The following SLC26A9 variants were observed in gnomAD, a reference collection of about 807,000 sequenced individuals.
SLC26A9 encodes the protein solute carrier family 26 member 9.
A neutral mutation model predicts 87.1 loss-of-function variants in SLC26A9; 46 were observed. That is an observed-to-expected ratio of 0.53 (90% confidence interval 0.42 to 0.67). The LOEUF (loss-of-function observed/expected upper bound fraction) is 0.67. Ranked by LOEUF, SLC26A9 falls within the 30% of genes least tolerant of loss-of-function variation. The pLI, the probability that SLC26A9 is intolerant of heterozygous loss-of-function variation, is 0.00. For missense variants in SLC26A9, 927 were observed against 1,018.3 expected (o/e 0.91, Z 1.22); for synonymous variants, 437 against 409.1 (o/e 1.07, Z -0.82).
At chr1:205,938,905 A>T (rs1659626541) in intron 1 of SLC26A9, among the ~76,000 whole-genome samples, 1 of 152,200 alleles carries the variant, frequency 6.6e-6, no homozygotes, top group Non-Finnish European at 1.5e-5. Flanking sequence ...TCAGAGAGCA[A>T]CAGGTAGGTG....
intron 1 of SLC26A9, among the ~76,000 whole-genome samples, chr1:205,941,022 G>C (rs970485798): frequency 6.6e-6 from 1 of 152,176 alleles, no homozygotes; most frequent in Non-Finnish European, 1.5e-5. Flanking sequence ...CACAGGGTAA[G>C]AGCAGCCTCT....
Position 205,920,314 on chromosome 1 carries a change from G to A in SLC26A9, c.2056-84C>T. ...AAAGTGATTCACAAAACGTACTTCAGAGGGGAAGCCAAACAAATAAGCAAC... is the reference window on the plus strand; with the variant it reads ...AAAGTGATTCACAAAACGTACTTCAAAGGGGAAGCCAAACAAATAAGCAAC... On this transcript the variant is annotated intron_variant, in intron 17 of 20. Transcript: ENST00000367135. 3.2e-6 allele frequency: 5 copies of A among 1,557,044 alleles called. No individual in the cohort carries two copies. In the South Asian group the frequency reaches 5.6e-5, roughly 17 times the overall value.
Position 205,928,842 on chromosome 1 carries a change from C to T in SLC26A9, c.938G>A (p.Gly313Glu). The change falls in exon 8 of 21, where the codon GGA (glycine) becomes GAA (glutamate). Residue 313 changes from glycine to glutamate, a missense_variant. Transcript: ENST00000367135. ...MPKKYHMQIVGEIQRGFPTPV... is the reference protein window; with the variant it reads ...MPKKYHMQIVEEIQRGFPTPV... Reference sequence around the variant, plus strand: ...CTGGACTCACCCGCGTTGGATTTCTCCCACGATCTGCATGTGATACTTTTT... The same window carrying T: ...CTGGACTCACCCGCGTTGGATTTCTTCCACGATCTGCATGTGATACTTTTT... 2.5e-6 allele frequency: 4 copies of T among 1,614,160 alleles called. No individual in the cohort carries two copies. The highest frequency in any genetic ancestry group is 3.4e-6 in the Non-Finnish European group (4 of 1,180,028).
intron 1 of SLC26A9, among the ~76,000 whole-genome samples, chr1:205,942,197 G>T (rs927815514): frequency 1.3e-5 from 2 of 152,222 alleles, no homozygotes; most frequent in Non-Finnish European, 2.9e-5. Context: ...CTGCCCCAGG[G>T]TTTATACAAA....
chr1:205,913,399 C>T lies in SLC26A9; in HGVS notation c.*1958G>A, dbSNP rs1026519915. 2.0e-5 allele frequency: 3 copies of T among 152,636 alleles called. No homozygotes were observed. The highest frequency in any genetic ancestry group is 1.3e-4 in the Admixed American group (2 of 15,274). The allele number at this position is 152,636 out of a possible 1,614,324, so 9.5% of individuals were successfully genotyped here. ...ACATGTGGCAGATCTCTCCCTGAGC[C>T]TCAACTCCAGGTCACTGGGTCAACA... On this transcript the variant is annotated 3_prime_UTR_variant, in exon 21 of 21. Coordinates refer to ENST00000367135, the MANE Select transcript of SLC26A9 (RefSeq NM_052934.4).
intron 2 of SLC26A9, among the ~76,000 whole-genome samples, chr1:205,934,775 A>G (rs1355605543): frequency 6.6e-6 from 1 of 152,192 alleles, no homozygotes; most frequent in African/African-American, 2.4e-5. Context: ...ACTGGCAGAG[A>G]CCACCTGTCT....
chr1:205,914,990 CCTT>C lies in SLC26A9; in HGVS notation c.*364_*366del. Reference sequence around the variant, plus strand: ...AGCAGGCCAGCACAGTTGTACTTGTCCTTCTGTTTTTGGCTCACTCGTAAAAGC... The same window carrying C: ...AGCAGGCCAGCACAGTTGTACTTGTCCTGTTTTTGGCTCACTCGTAAAAGC... On this transcript the variant is annotated 3_prime_UTR_variant, in exon 21 of 21. Coordinates refer to ENST00000367135, the MANE Select transcript of SLC26A9 (RefSeq NM_052934.4). The C allele has an allele frequency of 2.5e-6, 4 of 1,614,170 alleles. No homozygotes were observed. The highest frequency in any genetic ancestry group is 3.4e-6 in the Non-Finnish European group (4 of 1,180,030).
chr1:205,933,185 A>G lies in SLC26A9; in HGVS notation c.126-101T>C, dbSNP rs1659377877. 7 of 1,503,832 alleles carry G rather than the reference A, an allele frequency of 4.7e-6. No homozygotes were observed. In the Admixed American group the frequency reaches 1.1e-4, roughly 24 times the overall value. The allele number at this position is 1,503,832 out of a possible 1,614,324, so 93.2% of individuals were successfully genotyped here. A position where few individuals can be genotyped will look rare whatever the true frequency, so the allele number is the denominator to read the frequency against. ...TCCTGCTCATTTCATTCATTGGTTC[A>G]TTCAAAATTCACTGAACTGTGTGCC... On this transcript the variant is annotated intron_variant, in intron 2 of 20. Transcript: ENST00000367135.
At chr1:205,925,173 G>C (rs1295264879) in intron 12 of SLC26A9, among the ~76,000 whole-genome samples, 1 of 152,194 alleles carries the variant, frequency 6.6e-6, no homozygotes, top group Admixed American at 6.5e-5. Context: ...AAAAGTTAAG[G>C]AATGTGACGG....
chr1:205,917,348 C>T lies in SLC26A9; in HGVS notation c.2263G>A (p.Gly755Arg), dbSNP rs1304299665. 3 of 1,614,030 alleles carry T rather than the reference C, an allele frequency of 1.9e-6. No individual in the cohort carries two copies. Among genetic ancestry groups the T allele is most frequent in the South Asian group, 2.2e-5 (2 of 91,056 alleles). ...TPGHNFQGAP[G>R]DAELSLYDSE... ...TCGTACAAGGAGAGCTCAGCATCCC[C>T]TGGAGCCTGGAAGGGAGGAAGCCAG... is the stretch of plus-strand genomic sequence containing the variant. Residue 755 changes from glycine to arginine, a missense_variant, in exon 20 of 21, where the codon GGG becomes AGG. By Grantham distance (125) the Gly-to-Arg change is moderately radical. Transcript: ENST00000367135.
intron 16 of SLC26A9, among the ~76,000 whole-genome samples, chr1:205,922,148 A>G (rs746692955): frequency 6.6e-6 from 1 of 152,046 alleles, no homozygotes; most frequent in Non-Finnish European, 1.5e-5. Context: ...GAGCTCCTTT[A>G]TTTCTTGAGA....
chr1:205,924,453 GGAA>G lies in SLC26A9; in HGVS notation c.1423_1425del (p.Phe475del). The G allele has an allele frequency of 3.7e-6, 6 of 1,614,212 alleles. No individual in the cohort carries two copies. Among genetic ancestry groups the G allele is most frequent in the East Asian group, 2.2e-5 (1 of 44,882 alleles). ...ACTGCCACACCATAGGGCAGGCTGA[GGAA>G]GAAGGAGGAGAGGAAGCTCACTACC... On this transcript the variant is annotated inframe_deletion, in exon 13 of 21. Transcript: ENST00000367135.
Position 205,934,305 on chromosome 1 carries a change from C to T in SLC26A9, c.126-1221G>A, listed in dbSNP as rs147749939. On this transcript the variant is annotated intron_variant, in intron 2 of 20. Transcript: ENST00000367135. ...CTGGGATGCTGGAAGGGGAGGTGGA[C>T]GGGGGATAAATTGCTTAATGCAACT... Among the ~76,000 whole-genome samples, 973 of 152,220 alleles carry T rather than the reference C, an allele frequency of 6.4e-3. 2 individuals carry two copies. Among genetic ancestry groups the T allele is most frequent in the Middle Eastern group, 0.037 (11 of 294 alleles).
At chr1:205,936,790 T>A (rs1370089493) in intron 1 of SLC26A9, among the ~76,000 whole-genome samples, 1 of 151,860 alleles carries the variant, frequency 6.6e-6, no homozygotes, top group East Asian at 1.9e-4. Context: ...GGCAAAAGAT[T>A]TGAGATGGGG....
chr1:205,942,257 T>G (rs1342061), intron 1 of SLC26A9, among the ~76,000 whole-genome samples: 1 of 152,072 alleles, frequency 6.6e-6, no homozygotes, highest in African/African-American at 2.4e-5. Context: ...TGGGAAGGCC[T>G]TCCTGGCAGT....
At chr1:205,920,790 G>T (rs930556384) in intron 17 of SLC26A9, among the ~76,000 whole-genome samples, 1 of 152,216 alleles carries the variant, frequency 6.6e-6, no homozygotes, top group Non-Finnish European at 1.5e-5. Flanking sequence ...GAGCCACCAC[G>T]CCCGGCTGAT....
At chr1:205,933,820 T>C (rs186619351) in intron 2 of SLC26A9, among the ~76,000 whole-genome samples, 11 of 152,268 alleles carry the variant, frequency 7.2e-5, no homozygotes, top group Admixed American at 1.3e-4. Flanking sequence ...GAAGAATTCA[T>C]TGGTCAACGC....
chr1:205,913,541 A>G lies in SLC26A9; in HGVS notation c.*1816T>C, dbSNP rs965036528. 2 of 152,644 alleles carry G rather than the reference A, an allele frequency of 1.3e-5. No individual in the cohort carries two copies. Among genetic ancestry groups the G allele is most frequent in the South Asian group, 2.1e-4 (1 of 4,824 alleles). The allele number at this position is 152,644 out of a possible 1,614,324, so 9.5% of individuals were successfully genotyped here. A position where few individuals can be genotyped will look rare whatever the true frequency, so the allele number is the denominator to read the frequency against. On this transcript the variant is annotated 3_prime_UTR_variant, in exon 21 of 21. Transcript: ENST00000367135. ...GGTTCAAAGGGGACTCTGACTTGGA[A>G]ATTCCTGAGGCTCTGTGACCTTCTC... is the stretch of plus-strand genomic sequence containing the variant.
chr1:205,930,120 C>A, intron 5 of SLC26A9, 64 bp from the exon 6 acceptor site: 3 of 1,509,278 alleles, frequency 2.0e-6, no homozygotes, highest in Non-Finnish European at 2.7e-6. Flanking sequence ...TCCAACGACC[C>A]GCCCCACACA....
Sources: allele counts gnomAD v4.1 joint callset (sites outside exome capture counted in the v4.1 genomes callset), GRCh38; gene constraint gnomAD v4.1.1; transcripts MANE v1.5; gene names NCBI Gene and HGNC (gene_info 2026-07-23, HGNC 2026-07-21).